The following PPM1L variants were observed in gnomAD, a reference collection of about 807,000 sequenced individuals.
PPM1L encodes the protein protein phosphatase 1L.
PPM1L carries 13 observed loss-of-function variants against 31.4 expected under a neutral mutation model. That is an observed-to-expected ratio of 0.41 (90% CI 0.27 to 0.66). PPM1L has a LOEUF of 0.66. PPM1L is among the 30% of genes least tolerant of loss of function. The probability of loss-of-function intolerance (pLI) is 0.29; values close to 1 mark genes in which losing one functional copy is unlikely to be tolerated. For missense variants in PPM1L, 326 were observed against 453.7 expected (o/e 0.72, Z 2.56); for synonymous variants, 184 against 175.4 (o/e 1.05, Z -0.39).
At chr3:160,945,095 T>TATTATATATAAC (rs1715359684) in intron 1 of PPM1L, among the ~76,000 whole-genome samples, 1 of 131,342 alleles carries the variant, frequency 7.6e-6, no homozygotes, top group Non-Finnish European at 1.7e-5. Context: ...ATATAACATG[T>TATTATATATAAC]TATATATAAC....
intron 2 of PPM1L, among the ~76,000 whole-genome samples, chr3:161,030,285 T>C (rs1256100406): frequency 6.6e-6 from 1 of 152,178 alleles, no homozygotes; most frequent in African/African-American, 2.4e-5. Context: ...CTTTTATGTC[T>C]TCGCCATGTA....
intron 1 of PPM1L, among the ~76,000 whole-genome samples, chr3:160,835,467 C>T (rs111696255): frequency 0.03 from 4,629 of 152,098 alleles, 220 homozygotes; most frequent in African/African-American, 0.11. Context: ...ATACATAGCT[C>T]ACCCCAATAT....
At chr3:160,976,171 T>A (rs1347383664) in intron 2 of PPM1L, among the ~76,000 whole-genome samples, 2 of 109,300 alleles carry the variant, frequency 1.8e-5, no homozygotes, top group Admixed American at 1.1e-4. Context: ...TATGCTGGAT[T>A]ACATTTATTG....
At chr3:160,791,644 A>G (rs1228106134) in intron 1 of PPM1L, among the ~76,000 whole-genome samples, 1 of 152,182 alleles carries the variant, frequency 6.6e-6, no homozygotes, top group Non-Finnish European at 1.5e-5. Flanking sequence ...TCCAGTGGAT[A>G]GGAAGAGAGA....
intron 1 of PPM1L, among the ~76,000 whole-genome samples, chr3:160,950,157 C>A (rs6785078): frequency 0.013 from 1,934 of 152,200 alleles, 39 homozygotes; most frequent in African/African-American, 0.043. Flanking sequence ...ACACTCCATT[C>A]CCAGGAGTCT....
intron 2 of PPM1L, among the ~76,000 whole-genome samples, chr3:161,030,337 T>A (rs1452456056): frequency 6.6e-6 from 1 of 152,138 alleles, no homozygotes; most frequent in Non-Finnish European, 1.5e-5. Flanking sequence ...TTTTTTTGTT[T>A]GTTTGTTCGT....
At chr3:161,009,412 A>G (rs1717816493) in intron 2 of PPM1L, among the ~76,000 whole-genome samples, 1 of 152,202 alleles carries the variant, frequency 6.6e-6, no homozygotes, top group Admixed American at 6.5e-5. Flanking sequence ...AAAATATGTG[A>G]CCGTATTTAG....
At position 161,076,480 on chromosome 3, in the gene PPM1L, A is replaced by G. The variant is rs1055634277; in HGVS notation, c.*7323A>G. The stretch of plus-strand genomic sequence containing the variant: ...TAAAATATGACCATGGAGAAAACCC[A>G]TAACTTTTGCTTCTATTATAGAAAG... On this transcript the variant is annotated 3_prime_UTR_variant, in exon 4 of 4. Transcript: ENST00000498165. 5.9e-5 allele frequency: 9 copies of G among 152,250 alleles called. No homozygotes were observed. The highest frequency in any genetic ancestry group is 1.4e-4 in the African/African-American group (6 of 41,472). The allele number at this position is 152,250 out of a possible 1,614,324, so 9.4% of individuals were successfully genotyped here.
At chr3:160,921,401 A>G (rs1384870752) in intron 1 of PPM1L, among the ~76,000 whole-genome samples, 3 of 152,192 alleles carry the variant, frequency 2.0e-5, no homozygotes, top group Non-Finnish European at 4.4e-5. Flanking sequence ...ACTGACATTT[A>G]CTTTTTAAAA....
At chr3:160,780,071 T>C (rs938845533) in intron 1 of PPM1L, among the ~76,000 whole-genome samples, 2 of 152,058 alleles carry the variant, frequency 1.3e-5, no homozygotes, top group Admixed American at 6.6e-5. Context: ...TTGCCCAGGC[T>C]GTGATAACAG....
chr3:160,835,135 C>T (rs1413995884), intron 1 of PPM1L, among the ~76,000 whole-genome samples: 2 of 107,730 alleles, frequency 1.9e-5, no homozygotes, highest in Admixed American at 9.6e-5. Flanking sequence ...TTTCTTCCTT[C>T]TTCCTTTTTC....
At chr3:160,935,041 T>C (rs1714921730) in intron 1 of PPM1L, among the ~76,000 whole-genome samples, 1 of 152,064 alleles carries the variant, frequency 6.6e-6, no homozygotes, top group South Asian at 2.1e-4. Flanking sequence ...GGACAAAACA[T>C]AGTTACATGA....
intron 1 of PPM1L, among the ~76,000 whole-genome samples, chr3:160,759,474 T>C (rs1394839943): frequency 6.6e-6 from 1 of 152,190 alleles, no homozygotes; most frequent in African/African-American, 2.4e-5. Flanking sequence ...GTGACCTTCC[T>C]AAGGCTATGT....
intron 2 of PPM1L, among the ~76,000 whole-genome samples, chr3:160,980,238 C>G (rs187589026): frequency 7.8e-4 from 119 of 152,092 alleles, no homozygotes; most frequent in Non-Finnish European, 1.4e-3. Flanking sequence ...CTTTACTTGG[C>G]CTTTTAGTCA....
intron 2 of PPM1L, among the ~76,000 whole-genome samples, chr3:161,049,987 C>T (rs1263588335): frequency 3.9e-5 from 6 of 152,304 alleles, no homozygotes; most frequent in South Asian, 4.1e-4. Flanking sequence ...ACTTTTCCCC[C>T]GACCTTCCTG....
intron 1 of PPM1L, among the ~76,000 whole-genome samples, chr3:160,791,864 G>A (rs894112346): frequency 2.0e-5 from 3 of 152,182 alleles, no homozygotes; most frequent in Non-Finnish European, 4.4e-5. Flanking sequence ...TAGGCAGAGG[G>A]ACGCTACTGC....
chr3:160,814,582 T>TAC (rs1323848164), intron 1 of PPM1L, among the ~76,000 whole-genome samples: 5 of 93,572 alleles, frequency 5.3e-5, no homozygotes, highest in African/African-American at 9.7e-5. Flanking sequence ...TGTATATATA[T>TAC]ACACACACAT....
intron 1 of PPM1L, among the ~76,000 whole-genome samples, chr3:160,882,995 C>G (rs1181297288): frequency 1.3e-5 from 2 of 152,144 alleles, no homozygotes; most frequent in Admixed American, 1.3e-4. Flanking sequence ...TATAGTAAAC[C>G]TGTATTAATC....
intron 2 of PPM1L, among the ~76,000 whole-genome samples, chr3:161,004,930 G>A (rs1423576790): frequency 6.6e-6 from 1 of 152,156 alleles, no homozygotes; most frequent in Non-Finnish European, 1.5e-5. Flanking sequence ...TAATTGTGAT[G>A]TTAGGGTGTC....
Sources: allele counts gnomAD v4.1 joint callset (sites outside exome capture counted in the v4.1 genomes callset), GRCh38; gene constraint gnomAD v4.1.1; transcripts MANE v1.5; gene names NCBI Gene and HGNC (gene_info 2026-07-23, HGNC 2026-07-21).